NFE2L2: variants seen among roughly 807,000 people sequenced by gnomAD.
NFE2L2 encodes the protein NFE2 like bZIP transcription factor 2.
NFE2L2 carries 20 observed loss-of-function variants against 49.6 expected under a neutral mutation model. The observed-to-expected ratio is 0.40, with a 90% CI of 0.28 to 0.59. The LOEUF (loss-of-function observed/expected upper bound fraction) is 0.59, where lower values mean the gene tolerates loss of function less well. Among genes scored for constraint, NFE2L2 ranks in the 20% least tolerant of loss-of-function variants. NFE2L2 has a pLI of 0.40. For synonymous variants in NFE2L2, 244 were observed against 256.5 expected, an observed-to-expected ratio of 0.95 and a Z score of 0.47; for missense variants, 578 against 714.2, an observed-to-expected ratio of 0.81 and a Z score of 2.17.
rs915606085 is a variant in NFE2L2, at chr2:177,230,625, C to T, written c.*160G>A. ...AAACTACTGATTCAACATACTGACA[C>T]TCCAATGCTTTTTAAAGTTTCGTAT... On this transcript the variant is annotated 3_prime_UTR_variant, in exon 5 of 5. Transcript: ENST00000397062. 2.6e-6 allele frequency: 2 copies of T among 767,636 alleles called. No individual in the cohort carries two copies. Among genetic ancestry groups the T allele is most frequent in the East Asian group, 3.0e-5 (1 of 33,230 alleles). 47.6% of individuals were successfully genotyped at this position (767,636 alleles called of 1,614,324 possible).
chr2:177,252,263 C>T (rs907453611), intron 1 of NFE2L2, among the ~76,000 whole-genome samples: 4 of 152,080 alleles, frequency 2.6e-5, no homozygotes, highest in Non-Finnish European at 4.4e-5. Flanking sequence ...CCTCACAGGG[C>T]GTAGTAAGGA....
chr2:177,239,816 A>G (rs1272580729), intron 1 of NFE2L2, among the ~76,000 whole-genome samples: 1 of 152,224 alleles, frequency 6.6e-6, no homozygotes, highest in Non-Finnish European at 1.5e-5. Flanking sequence ...GATCAAATTT[A>G]GAATGCAGCA....
rs552816771 is a variant in NFE2L2 at position 177,246,118 on chromosome 2, G to A, written c.46-11847C>T. Among the ~76,000 whole-genome samples, 3 of 152,302 alleles carry A rather than the reference G, an allele frequency of 2.0e-5. No individual in the cohort carries two copies. The East Asian group carries it at 5.8e-4, about 29-fold the overall frequency. On this transcript the variant is annotated intron_variant, in intron 1 of 4. Coordinates refer to ENST00000397062, the MANE Select transcript of NFE2L2 (RefSeq NM_006164.5). Reference sequence around the variant, plus strand: ...TAGCCCTGTGCCTTCTCCCAAGGCAGGAAACTAAGAGTTAAAGGTCTGCCC... The same window carrying A: ...TAGCCCTGTGCCTTCTCCCAAGGCAAGAAACTAAGAGTTAAAGGTCTGCCC...
rs1333348595 is a variant in NFE2L2 at position 177,234,139 on chromosome 2, C to T, written c.178G>A (p.Glu60Lys). Residue 60 changes from glutamate (E) to lysine (K), a missense_variant, in exon 2 of 5, where the codon GAA becomes AAA. Transcript: ENST00000397062. ...TTCTCTTGCTCCTTTTGGAGTTGTT[C>T]TTGTCTTTCCTTTTCAAGTTTTTTC... ...KQKKLEKERQ[E>K]QLQKEQEKAF... 6.2e-7 allele frequency: 1 copy of T among 1,614,072 alleles called. No individual in the cohort carries two copies. Among genetic ancestry groups the T allele is most frequent in the Non-Finnish European group, 8.5e-7 (1 of 1,179,994 alleles).
intron 1 of NFE2L2, chr2:177,263,975 G>C (rs1263448853): frequency 1.0e-6 from 1 of 982,832 alleles, no homozygotes; most frequent in African/African-American, 1.8e-5. Context: ...AGCGGGGTGA[G>C]CGCGTCGCAG....
In NFE2L2 at chr2:177,253,570, C is replaced by A. The variant is rs73031364; in HGVS notation, c.45+10962G>T. Among the ~76,000 whole-genome samples, 1,091 of 152,210 alleles carry A rather than the reference C, an allele frequency of 7.2e-3. 14 individuals are homozygous for A. The highest frequency in any genetic ancestry group is 0.024 in the South Asian group (118 of 4,828). ...CTAATAAATATTTGCGGAATGAGTA[C>A]GTGTATATTATTTAGACTAACAATT... On this transcript the variant is annotated intron_variant, in intron 1 of 4. Transcript: ENST00000397062.
In NFE2L2 at chr2:177,264,702, T is replaced by G; in HGVS notation, c.-126A>C. ...CGGTGGCGGCTGCGTCGGCGGCTCCTCCGGGCTCCCCGGCACTCGGTAATC... is the reference window on the plus strand; with the variant it reads ...CGGTGGCGGCTGCGTCGGCGGCTCCGCCGGGCTCCCCGGCACTCGGTAATC... On this transcript the variant is annotated 5_prime_UTR_variant, in exon 1 of 5. Transcript: ENST00000397062. The G allele has an allele frequency of 3.6e-6, 3 of 831,976 alleles. No individual in the cohort carries two copies. Among genetic ancestry groups the G allele is most frequent in the Non-Finnish European group, 3.3e-6 (2 of 605,482 alleles). The allele number at this position is 831,976 out of a possible 1,614,324, so 51.5% of individuals were successfully genotyped here.
Position 177,245,902 on chromosome 2 carries a change from G to A in NFE2L2, c.46-11631C>T, listed in dbSNP as rs546044927. Reference sequence around the variant, plus strand: ...TGGGATTACAGGCATGAGCCACTGCGTCCAGCCTGTAATCTTCATTTCTAG... The same window carrying A: ...TGGGATTACAGGCATGAGCCACTGCATCCAGCCTGTAATCTTCATTTCTAG... On this transcript the variant is annotated intron_variant, in intron 1 of 4. Coordinates refer to ENST00000397062, the MANE Select transcript of NFE2L2 (RefSeq NM_006164.5). 3.9e-5 allele frequency among the ~76,000 whole-genome samples: 6 copies of A among 152,214 alleles called. No homozygotes were observed. The South Asian group carries it at 6.2e-4, about 16-fold the overall frequency.
intron 1 of NFE2L2, among the ~76,000 whole-genome samples, chr2:177,262,611 T>G (rs1690779587): frequency 6.6e-6 from 1 of 152,262 alleles, no homozygotes; most frequent in Non-Finnish European, 1.5e-5. Flanking sequence ...GATGTCTGAT[T>G]ACAAAGGTAG....
In NFE2L2 at chr2:177,230,739, A is replaced by G. The variant is rs1388012936; in HGVS notation, c.*46T>C. ...ACATCACAGTAGGAGCTTTTAGTAT[A>G]ATAGTACAAAAAAACTAGCTCAGAA... On this transcript the variant is annotated 3_prime_UTR_variant, in exon 5 of 5. Coordinates refer to ENST00000397062, the MANE Select transcript of NFE2L2 (RefSeq NM_006164.5). 6.5e-7 allele frequency: 1 copy of G among 1,528,974 alleles called. No homozygotes were observed. Among genetic ancestry groups the G allele is most frequent in the Non-Finnish European group, 8.7e-7 (1 of 1,145,560 alleles). 94.7% of individuals were successfully genotyped at this position (1,528,974 alleles called of 1,614,324 possible). A position where few individuals can be genotyped will look rare whatever the true frequency, so the allele number is the denominator to read the frequency against.
At chr2:177,251,824 T>C (rs369072179) in intron 1 of NFE2L2, among the ~76,000 whole-genome samples, 4 of 151,598 alleles carry the variant, frequency 2.6e-5, no homozygotes, top group African/African-American at 9.7e-5. Context: ...GCTAACACGG[T>C]GAAACTCCGT....
intron 1 of NFE2L2, among the ~76,000 whole-genome samples, chr2:177,255,745 G>A (rs1447453912): frequency 6.6e-6 from 1 of 151,846 alleles, no homozygotes; most frequent in African/African-American, 2.4e-5. Context: ...ATTTTTTGAG[G>A]AGACAGTGTC....
rs997651216 is a variant in NFE2L2, at chr2:177,231,676, G to C, written c.927C>G (p.Leu309=). The change falls in exon 5 of 5, where the codon CTC becomes CTG. Residue 309 remains leucine (L), a synonymous_variant. Transcript: ENST00000397062. ...MPSPATLSHS[L]SELLNGPIDV... The stretch of plus-strand genomic sequence containing the variant: ...CAATGGGCCCATTTAGAAGTTCAGA[G>C]AGTGAATGGCTTAAAGTAGCAGGTG... The C allele has an allele frequency of 6.2e-7, 1 of 1,614,210 alleles. No homozygotes were observed. The highest frequency in any genetic ancestry group is 1.3e-5 in the African/African-American group (1 of 75,064).
At chr2:177,263,399 T>C (rs1470515307) in intron 1 of NFE2L2, 5 of 985,352 alleles carry the variant, frequency 5.1e-6, no homozygotes, top group Non-Finnish European at 6.0e-6. Flanking sequence ...CTCGCAACTC[T>C]TACCCTTGAC....
In NFE2L2 at chr2:177,251,525, G is replaced by C. The variant is rs369056170; in HGVS notation, c.45+13007C>G. Among the ~76,000 whole-genome samples, 48 of 152,268 alleles carry C rather than the reference G, an allele frequency of 3.2e-4. 1 individual carries two copies. The highest frequency in any genetic ancestry group is 1.0e-3 in the African/African-American group (43 of 41,538). On this transcript the variant is annotated intron_variant, in intron 1 of 4. Transcript: ENST00000397062. ...ACAGGCTGGAGGGTCTTCCAGAGGA[G>C]CCGGGGCAACGTGTGGGGCCTCTGC...
At position 177,253,174 on chromosome 2, in the gene NFE2L2, A is replaced by T. The variant is rs148002504; in HGVS notation, c.45+11358T>A. 4.7e-3 allele frequency among the ~76,000 whole-genome samples: 711 copies of T among 152,342 alleles called. 1 individual carries two copies. Among genetic ancestry groups the T allele is most frequent in the Non-Finnish European group, 6.9e-3 (469 of 68,032 alleles). On this transcript the variant is annotated intron_variant, in intron 1 of 4. Coordinates refer to ENST00000397062, the MANE Select transcript of NFE2L2 (RefSeq NM_006164.5). ...ACCTGCTTAAAAGAAAAGTCTAGTT[A>T]AAATGGCAGTTCCTCCAGGATATCC...
intron 1 of NFE2L2, among the ~76,000 whole-genome samples, chr2:177,248,344 G>GTC (rs1690208476): frequency 6.6e-6 from 1 of 152,120 alleles, no homozygotes; most frequent in Non-Finnish European, 1.5e-5. Context: ...TGCTATTCAA[G>GTC]TCTGTAACCA....
intron 1 of NFE2L2, among the ~76,000 whole-genome samples, chr2:177,261,430 T>A (rs1045874500): frequency 1.3e-5 from 2 of 152,220 alleles, no homozygotes; most frequent in Non-Finnish European, 2.9e-5. Flanking sequence ...ACTTACCCAC[T>A]TTTTAAAGTG....
At chr2:177,250,387 G>GCTTTCAT (rs1690291157) in intron 1 of NFE2L2, among the ~76,000 whole-genome samples, 3 of 152,312 alleles carry the variant, frequency 2.0e-5, no homozygotes, top group Admixed American at 2.0e-4. Context: ...TACCTGGTAA[G>GCTTTCAT]CTTTCATATT....
Sources: gnomAD v4.1 joint callset for allele counts (sites outside exome capture counted in the v4.1 genomes callset) on GRCh38, gnomAD v4.1.1 for gene constraint, MANE v1.5 for transcripts, NCBI Gene and HGNC (gene_info 2026-07-23, HGNC 2026-07-21) for gene names.